Variants in SLC25A36 observed in about 807,000 individuals in gnomAD.
SLC25A36 encodes the protein solute carrier family 25 member 36.
A neutral mutation model predicts 35.3 loss-of-function variants in SLC25A36; 24 were observed. The observed-to-expected ratio is 0.68, with a 90% CI of 0.49 to 0.96. The LOEUF (loss-of-function observed/expected upper bound fraction) is 0.96. Among genes scored for constraint, SLC25A36 ranks in the 40% least tolerant of loss-of-function variants. The pLI is 0.00. For missense variants in SLC25A36, 294 were observed against 381.1 expected (o/e 0.77, Z 1.90); for synonymous variants, 141 against 132.2 (o/e 1.07, Z -0.46).
Position 140,976,635 on chromosome 3 carries a change from T to TG in SLC25A36, c.*183dup, listed in dbSNP as rs1935055175. 8 of 206,438 alleles carry TG rather than the reference T, an allele frequency of 3.9e-5. No individual in the cohort carries two copies. Among genetic ancestry groups the TG allele is most frequent in the South Asian group, 4.1e-4 (1 of 2,452 alleles). The allele number at this position is 206,438 out of a possible 1,614,324, so 12.8% of individuals were successfully genotyped here. The stretch of plus-strand genomic sequence containing the variant: ...CACATTACTTGGCCTTTCGGTAATG[T>TG]GAAAAAAAAAAAAAACCTCAGAGCC... On this transcript the variant is annotated 3_prime_UTR_variant, in exon 7 of 7. Coordinates refer to ENST00000324194, the MANE Select transcript of SLC25A36 (RefSeq NM_001104647.3).
At chr3:140,973,607 T>C (rs1212274138) in intron 5 of SLC25A36, 109 bp from the exon 6 acceptor site, 2 of 811,964 alleles carry the variant, frequency 2.5e-6, no homozygotes, top group Middle Eastern at 4.1e-4. Flanking sequence ...AAATTCTAAT[T>C]CTTCATGAGT....
Position 140,973,880 on chromosome 3 carries a change from A to G in SLC25A36, c.617A>G (p.Glu206Gly). 6.2e-7 allele frequency: 1 copy of G among 1,613,492 alleles called. No homozygotes were observed. Among genetic ancestry groups the G allele is most frequent in the Non-Finnish European group, 8.5e-7 (1 of 1,179,646 alleles). Residue 206 changes from glutamate to glycine, a missense_variant, in exon 6 of 7, where the codon GAA (glutamate) becomes GGA (glycine). Transcript: ENST00000324194. Reference sequence around the variant, plus strand: ...GAAAGTATAAAACAAAAACTACTGGAATATAAGACTGCTTCTACAATGGAA... The same window carrying G: ...GAAAGTATAAAACAAAAACTACTGGGATATAAGACTGCTTCTACAATGGAA... ...IYESIKQKLL[E>G]YKTASTMEND...
chr3:140,950,042 A>G (rs1405958568), intron 1 of SLC25A36, among the ~76,000 whole-genome samples: 1 of 152,212 alleles, frequency 6.6e-6, no homozygotes, highest in Non-Finnish European at 1.5e-5. Flanking sequence ...CTGTTCTGGT[A>G]GATGAGGATT....
At chr3:140,953,125 A>G (rs542081736) in intron 1 of SLC25A36, among the ~76,000 whole-genome samples, 1 of 152,330 alleles carries the variant, frequency 6.6e-6, no homozygotes, top group African/African-American at 2.4e-5. Flanking sequence ...CTCCAAGTAT[A>G]CTGTGTGATG....
Position 140,978,257 on chromosome 3 carries a change from C to T in SLC25A36, c.*1804C>T, listed in dbSNP as rs1935101776. 6.6e-6 allele frequency: 1 copy of T among 152,062 alleles called. No individual in the cohort carries two copies. Among genetic ancestry groups the T allele is most frequent in the Non-Finnish European group, 1.5e-5 (1 of 68,002 alleles). The allele number at this position is 152,062 out of a possible 1,614,324, so 9.4% of individuals were successfully genotyped here. On this transcript the variant is annotated 3_prime_UTR_variant, in exon 7 of 7. Coordinates refer to ENST00000324194, the MANE Select transcript of SLC25A36 (RefSeq NM_001104647.3). Reference sequence around the variant, plus strand: ...CCAAAGGCAAAATCAGTTTTCTTACCTTTGGAATTATTCGTACCTTTTATG... The same window carrying T: ...CCAAAGGCAAAATCAGTTTTCTTACTTTTGGAATTATTCGTACCTTTTATG...
At chr3:140,968,518 T>A in intron 4 of SLC25A36, 1 of 972,758 alleles carries the variant, frequency 1.0e-6, no homozygotes, top group Non-Finnish European at 1.2e-6. Flanking sequence ...TGAATTTTAG[T>A]TAAGTGAGAA....
chr3:140,950,896 GTCTCTGTGTGTGTCTGTGTGTC>G (rs1332988618), intron 1 of SLC25A36, among the ~76,000 whole-genome samples: 9 of 145,456 alleles, frequency 6.2e-5, no homozygotes, highest in East Asian at 3.9e-4. Context: ...GTGTGTGTGT[GTCTCTGTGTGTGTCTGTGTGTC>G]TGTGTGTGTG....
chr3:140,953,446 AT>A (rs34764234), intron 1 of SLC25A36, among the ~76,000 whole-genome samples: 10,956 of 151,148 alleles, frequency 0.072, 511 homozygotes, highest in East Asian at 0.16. Flanking sequence ...TATGAGTGGA[AT>A]TTTTTTGAAG....
intron 3 of SLC25A36, among the ~76,000 whole-genome samples, chr3:140,960,684 T>C (rs753376539): frequency 2.0e-5 from 3 of 152,196 alleles, no homozygotes; most frequent in South Asian, 2.1e-4. Flanking sequence ...TAAAGAACTA[T>C]GGTGTGACAA....
At chr3:140,948,683 A>G (rs1432468246) in intron 1 of SLC25A36, among the ~76,000 whole-genome samples, 1 of 152,192 alleles carries the variant, frequency 6.6e-6, no homozygotes, top group South Asian at 2.1e-4. Flanking sequence ...TTGTTCATCT[A>G]TCTGTTACCT....
rs144570410 is a variant in SLC25A36, at chr3:140,944,175, G to C, written c.41+2080G>C. Reference sequence around the variant, plus strand: ...AAAGAACCAAGAGTAACCTTTCACAGAGTATTTAATCTTAGGCAAGGGTTT... The same window carrying C: ...AAAGAACCAAGAGTAACCTTTCACACAGTATTTAATCTTAGGCAAGGGTTT... On this transcript the variant is annotated intron_variant, in intron 1 of 6. Transcript: ENST00000324194. Among the ~76,000 whole-genome samples the C allele has an allele frequency of 1.3e-3, 197 of 152,308 alleles. 1 individual carries two copies. The highest frequency in any genetic ancestry group is 4.7e-3 in the African/African-American group (194 of 41,564).
intron 1 of SLC25A36, among the ~76,000 whole-genome samples, chr3:140,947,193 A>G (rs1330448578): frequency 6.6e-6 from 1 of 152,196 alleles, no homozygotes; most frequent in Non-Finnish European, 1.5e-5. Flanking sequence ...TAATTGAGGA[A>G]CTTTGGTGAC....
At chr3:140,949,170 G>A (rs1290311403) in intron 1 of SLC25A36, among the ~76,000 whole-genome samples, 1 of 152,058 alleles carries the variant, frequency 6.6e-6, no homozygotes, top group Non-Finnish European at 1.5e-5. Flanking sequence ...TTACTCAAGA[G>A]GTCCATAAAG....
chr3:140,953,182 A>C (rs1203278054), intron 1 of SLC25A36, among the ~76,000 whole-genome samples: 1 of 152,138 alleles, frequency 6.6e-6, no homozygotes, highest in Non-Finnish European at 1.5e-5. Flanking sequence ...TATCTAAGTA[A>C]ATTTATGGCT....
Position 140,951,475 on chromosome 3 carries a change from C to T in SLC25A36, c.42-5052C>T, listed in dbSNP as rs76092624. Among the ~76,000 whole-genome samples the T allele has an allele frequency of 1.4e-4, 22 of 152,118 alleles. No individual in the cohort carries two copies. In the East Asian group the frequency reaches 3.7e-3, roughly 25 times the overall value. On this transcript the variant is annotated intron_variant, in intron 1 of 6. Transcript: ENST00000324194. ...CACTTATGCCACCCCCACCTCTGTA[C>T]GATTTACTTATTTATTTATTTTTTG...
At chr3:140,969,997 T>C (rs1456308626) in intron 4 of SLC25A36, among the ~76,000 whole-genome samples, 8 of 151,952 alleles carry the variant, frequency 5.3e-5, no homozygotes, top group Non-Finnish European at 8.8e-5. Context: ...AAACCCTGTT[T>C]TGTGTAGATG....
intron 1 of SLC25A36, among the ~76,000 whole-genome samples, chr3:140,945,547 CCTT>C (rs1443684287): frequency 2.0e-5 from 3 of 152,238 alleles, no homozygotes; most frequent in Non-Finnish European, 4.4e-5. Context: ...CAGGGATTCT[CCTT>C]CTTGAGACCC....
At chr3:140,950,323 A>G (rs2107784723) in intron 1 of SLC25A36, among the ~76,000 whole-genome samples, 1 of 147,146 alleles carries the variant, frequency 6.8e-6, no homozygotes, top group South Asian at 2.1e-4. Flanking sequence ...GTGAGTACTC[A>G]TACTTGAACA....
At chr3:140,950,619 C>T (rs1934293134) in intron 1 of SLC25A36, among the ~76,000 whole-genome samples, 1 of 152,118 alleles carries the variant, frequency 6.6e-6, no homozygotes, top group Admixed American at 6.6e-5. Context: ...ACTTCTTTGT[C>T]CCAGATGTAT....
Sources: gnomAD v4.1 joint callset for allele counts (sites outside exome capture counted in the v4.1 genomes callset) on GRCh38, gnomAD v4.1.1 for gene constraint, MANE v1.5 for transcripts, NCBI Gene and HGNC (gene_info 2026-07-23, HGNC 2026-07-21) for gene names.